DDX10: variants seen among roughly 807,000 people sequenced by gnomAD.
DDX10 encodes the protein probable ATP-dependent RNA helicase DDX10.
In DDX10, 74 loss-of-function variants were observed where a neutral mutation model predicts 104.3. The ratio of observed to expected loss-of-function variants is 0.71; its 90% CI spans 0.59 to 0.86. The LOEUF (loss-of-function observed/expected upper bound fraction) is 0.86. DDX10 is among the 40% of genes least tolerant of loss of function. The probability of loss-of-function intolerance (pLI) is 0.00; values close to 1 mark genes in which losing one functional copy is unlikely to be tolerated. For synonymous variants in DDX10, 351 were observed against 353.4 expected (o/e 0.99, Z 0.08); for missense variants, 952 against 1,040.0 (o/e 0.92, Z 1.16).
chr11:108,842,783 G>A (rs909039322), intron 15 of DDX10, among the ~76,000 whole-genome samples: 1 of 152,190 alleles, frequency 6.6e-6, no homozygotes, highest in African/African-American at 2.4e-5. Flanking sequence ...AGTATCAGGA[G>A]CTTGTCATGT....
At chr11:108,936,591 ACT>A (rs1179288674) in intron 17 of DDX10, among the ~76,000 whole-genome samples, 3 of 152,058 alleles carry the variant, frequency 2.0e-5, no homozygotes, top group Non-Finnish European at 2.9e-5. Flanking sequence ...ATACAAATGG[ACT>A]CTCTCTTTTT....
At chr11:108,740,216 T>C (rs1016271582) in intron 13 of DDX10, among the ~76,000 whole-genome samples, 2 of 152,318 alleles carry the variant, frequency 1.3e-5, no homozygotes, top group African/African-American at 4.8e-5. Flanking sequence ...CTTGCACTTA[T>C]AAGTGAGAAC....
chr11:108,922,656 C>T (rs12807163), intron 17 of DDX10, among the ~76,000 whole-genome samples: 42 of 152,326 alleles, frequency 2.8e-4, no homozygotes, highest in African/African-American at 8.4e-4. Context: ...AAACTACCTT[C>T]GACCCTCTAA....
At chr11:108,892,715 T>C (rs1565310963) in intron 16 of DDX10, among the ~76,000 whole-genome samples, 2 of 152,218 alleles carry the variant, frequency 1.3e-5, no homozygotes, top group Non-Finnish European at 2.9e-5. Flanking sequence ...ATTGTATATG[T>C]TCTCAGATAA....
intron 16 of DDX10, among the ~76,000 whole-genome samples, chr11:108,893,652 C>G (rs1863404385): frequency 1.3e-5 from 2 of 151,402 alleles, no homozygotes; most frequent in African/African-American, 2.4e-5. Context: ...AATATGTCAT[C>G]GCCAGAGATT....
intron 6 of DDX10, among the ~76,000 whole-genome samples, chr11:108,686,765 C>T (rs1009943529): frequency 4.6e-5 from 7 of 152,080 alleles, no homozygotes; most frequent in African/African-American, 7.2e-5. Context: ...TACCAAGGAA[C>T]GTGATAGTTG....
chr11:108,764,425 T>C (rs1421690427), intron 13 of DDX10, among the ~76,000 whole-genome samples: 1 of 152,196 alleles, frequency 6.6e-6, no homozygotes, highest in Non-Finnish European at 1.5e-5. Context: ...CCCAGCACTT[T>C]GGGAGGCCAA....
intron 13 of DDX10, among the ~76,000 whole-genome samples, chr11:108,798,488 T>G (rs1049137330): frequency 2.0e-5 from 3 of 152,206 alleles, no homozygotes; most frequent in Non-Finnish European, 4.4e-5. Context: ...GCCACCATTC[T>G]GCTTTCTGTT....
rs35211888 is a variant in DDX10 at position 108,720,895 on chromosome 11, GTTTTT to G, written c.1499+1022_1499+1026del. Among the ~76,000 whole-genome samples the G allele has an allele frequency of 6.0e-3, 858 of 142,522 alleles. 3 individuals are homozygous for G. Among genetic ancestry groups the G allele is most frequent in the African/African-American group, 0.021 (798 of 38,576 alleles). The allele number at this position is 142,522 out of a possible 152,430, so 93.5% of individuals were successfully genotyped here. A position where few individuals can be genotyped will look rare whatever the true frequency, so the allele number is the denominator to read the frequency against. On this transcript the variant is annotated intron_variant, in intron 12 of 17. Coordinates refer to ENST00000322536, the MANE Select transcript of DDX10 (RefSeq NM_004398.4). ...GGTGTGAGCCACTGTGCCTGGCCGG[GTTTTT>G]TTTTTTTTTTTAAACCTTTTGACCT...
chr11:108,879,664 A>G (rs903345803), intron 16 of DDX10, among the ~76,000 whole-genome samples: 11 of 152,200 alleles, frequency 7.2e-5, no homozygotes, highest in African/African-American at 2.2e-4. Context: ...AGTTACTTCA[A>G]TAAGTAACCT....
intron 16 of DDX10, among the ~76,000 whole-genome samples, chr11:108,876,092 C>T (rs759168931): frequency 1.3e-5 from 2 of 151,908 alleles, no homozygotes; most frequent in Non-Finnish European, 2.9e-5. Context: ...AATATTAGGT[C>T]GAATCTTTAA....
At position 108,675,681 on chromosome 11, in the gene DDX10, A is replaced by T; in HGVS notation, c.333A>T (p.Gly111=). The change falls in exon 3 of 18, where the codon GGA becomes GGT. Residue 111 remains glycine (G), a synonymous_variant. Transcript: ENST00000322536. ...CTTTGCAAGGTAAAGATGTACTTGGAGCGGCCAAAACTGGATCTGGCAAGA... is the reference window on the plus strand; with the variant it reads ...CTTTGCAAGGTAAAGATGTACTTGGTGCGGCCAAAACTGGATCTGGCAAGA... ...GLALQGKDVL[G]AAKTGSGKTL... 1 of 1,614,208 alleles carries T rather than the reference A, an allele frequency of 6.2e-7. No individual in the cohort carries two copies. Among genetic ancestry groups the T allele is most frequent in the Non-Finnish European group, 8.5e-7 (1 of 1,180,024 alleles).
chr11:108,824,388 C>T (rs1862367627), intron 13 of DDX10, among the ~76,000 whole-genome samples: 1 of 152,176 alleles, frequency 6.6e-6, no homozygotes, highest in African/African-American at 2.4e-5. Flanking sequence ...GATCAGTTTC[C>T]CTTAACCCTG....
chr11:108,721,630 T>C (rs1451328722), intron 12 of DDX10, among the ~76,000 whole-genome samples: 2 of 152,216 alleles, frequency 1.3e-5, no homozygotes, highest in Non-Finnish European at 2.9e-5. Flanking sequence ...ATAGTTGAGT[T>C]TGGTATTTTA....
rs118080514 is a variant in DDX10 at position 108,797,885 on chromosome 11, C to G, written c.1966-40561C>G. Among the ~76,000 whole-genome samples, 994 of 152,276 alleles carry G rather than the reference C, an allele frequency of 6.5e-3. 8 individuals carry two copies. Among genetic ancestry groups the G allele is most frequent in the Non-Finnish European group, 0.011 (723 of 68,016 alleles). ...TTCTGCACCTTGTACAGTTTGTTGC[C>G]CCTTTATTTGCTTGTTCAGCCATTC... On this transcript the variant is annotated intron_variant, in intron 13 of 17. Coordinates refer to ENST00000322536, the MANE Select transcript of DDX10 (RefSeq NM_004398.4).
chr11:108,800,822 A>C (rs568373803), intron 13 of DDX10, among the ~76,000 whole-genome samples: 1 of 152,222 alleles, frequency 6.6e-6, no homozygotes, highest in African/African-American at 2.4e-5. Context: ...TTCACTCTAC[A>C]TTATGATTTT....
At chr11:108,938,896 A>G (rs957076210) in intron 17 of DDX10, among the ~76,000 whole-genome samples, 1 of 152,216 alleles carries the variant, frequency 6.6e-6, no homozygotes. Context: ...AGAGTAATCC[A>G]GGCCGTTGGA....
Position 108,679,497 on chromosome 11 carries a change from A to C in DDX10, c.785A>C (p.Asp262Ala). 1 of 1,613,596 alleles carries C rather than the reference A, an allele frequency of 6.2e-7. No individual in the cohort carries two copies. The stretch of plus-strand genomic sequence containing the variant: ...GCAACACAAACTAAATCTGTAAAGG[A>C]CCTTGCACGCTTGAGTTTGAAAAAC... The part of the protein sequence containing the change: ...FSATQTKSVK[D>A]LARLSLKNPE... The change falls in exon 6 of 18, where the codon GAC (aspartate) becomes GCC (alanine). Residue 262 changes from aspartate to alanine, a missense_variant. Coordinates refer to ENST00000322536, the MANE Select transcript of DDX10 (RefSeq NM_004398.4).
chr11:108,777,580 C>A (rs1196875968), intron 13 of DDX10, among the ~76,000 whole-genome samples: 1 of 152,188 alleles, frequency 6.6e-6, no homozygotes, highest in Non-Finnish European at 1.5e-5. Context: ...ACTTCAGCCT[C>A]CTGAAGTGCT....
Sources: gnomAD v4.1 joint callset for allele counts (sites outside exome capture counted in the v4.1 genomes callset) on GRCh38, gnomAD v4.1.1 for gene constraint, MANE v1.5 for transcripts, NCBI Gene and HGNC (gene_info 2026-07-23, HGNC 2026-07-21) for gene names.